The following AGBL4 variants were observed in gnomAD, a reference collection of about 807,000 sequenced individuals.
The protein encoded by AGBL4 is cytosolic carboxypeptidase 6.
In AGBL4, 58 loss-of-function variants were observed where a neutral mutation model predicts 66.4. The ratio of observed to expected loss-of-function variants is 0.87; its 90% CI spans 0.71 to 1.09. The LOEUF (loss-of-function observed/expected upper bound fraction) is 1.09, where lower values mean the gene tolerates loss of function less well. Among genes scored for constraint, AGBL4 ranks in the 50% least tolerant of loss-of-function variants. AGBL4 has a pLI of 0.00. For synonymous variants in AGBL4, 234 were observed against 222.9 expected, an observed-to-expected ratio of 1.05 and a Z score of -0.44; for missense variants, 579 against 631.0, an observed-to-expected ratio of 0.92 and a Z score of 0.88.
At chr1:48,534,384 G>T (rs1428978920) in intron 13 of AGBL4, 91 bp from the exon 14 acceptor site, 3 of 1,442,732 alleles carry the variant, frequency 2.1e-6, no homozygotes, top group South Asian at 1.5e-5. Context: ...TTCCCCACTG[G>T]ACTGTAGCCT....
At chr1:48,816,048 TGTGTGTGTG>T (rs1558014357) in intron 6 of AGBL4, among the ~76,000 whole-genome samples, 69 of 1,444 alleles carry the variant, frequency 0.048, no homozygotes, top group Admixed American at 0.055. Context: ...AACTGTTTTG[TGTGTGTGTG>T]TGTGTGTGTG....
intron 1 of AGBL4, among the ~76,000 whole-genome samples, chr1:49,861,840 G>A (rs905129648): frequency 6.6e-6 from 1 of 152,174 alleles, no homozygotes. Context: ...TGGGCTTGGG[G>A]TGCCCCCTAA....
intron 1 of AGBL4, among the ~76,000 whole-genome samples, chr1:49,990,622 T>A (rs967123454): frequency 2.6e-4 from 40 of 152,328 alleles, no homozygotes; most frequent in Middle Eastern, 6.8e-3. Flanking sequence ...TTTTAGCTAC[T>A]GTATACAATC....
intron 3 of AGBL4, among the ~76,000 whole-genome samples, chr1:49,265,041 T>C (rs188751224): frequency 6.6e-6 from 1 of 152,364 alleles, no homozygotes; most frequent in African/African-American, 2.4e-5. Context: ...TTTTTTGTTA[T>C]ACAACATTTC....
At chr1:49,247,355 T>C (rs1011520880) in intron 3 of AGBL4, among the ~76,000 whole-genome samples, 18 of 152,106 alleles carry the variant, frequency 1.2e-4, no homozygotes, top group Non-Finnish European at 2.5e-4. Context: ...TTTTCCTTTC[T>C]CCTCAGAGAC....
chr1:49,107,738 A>AGAAT (rs1645326465), intron 4 of AGBL4, among the ~76,000 whole-genome samples: 1 of 146,846 alleles, frequency 6.8e-6, no homozygotes, highest in Non-Finnish European at 1.5e-5. Context: ...AGAGAGAGAC[A>AGAAT]ATATTTACAT....
intron 4 of AGBL4, among the ~76,000 whole-genome samples, chr1:49,195,862 G>A (rs1647227873): frequency 1.3e-5 from 2 of 152,042 alleles, no homozygotes; most frequent in African/African-American, 4.8e-5. Context: ...ATGTATCTAG[G>A]GAGAGATCTG....
chr1:49,932,005 T>C (rs896028129), intron 1 of AGBL4, among the ~76,000 whole-genome samples: 1 of 152,120 alleles, frequency 6.6e-6, no homozygotes, highest in Non-Finnish European at 1.5e-5. Context: ...TAGAGGAGCA[T>C]CTCAGATTTT....
At chr1:49,907,886 G>A (rs963677976) in intron 1 of AGBL4, among the ~76,000 whole-genome samples, 1 of 151,784 alleles carries the variant, frequency 6.6e-6, no homozygotes, top group African/African-American at 2.4e-5. Flanking sequence ...AATTGGAGAG[G>A]CTATGTACAT....
At chr1:48,644,135 T>C (rs1332645236) in intron 8 of AGBL4, among the ~76,000 whole-genome samples, 1 of 152,172 alleles carries the variant, frequency 6.6e-6, no homozygotes, top group Non-Finnish European at 1.5e-5. Flanking sequence ...AAGTACTACA[T>C]ATAAAACACT....
At chr1:49,700,384 T>C (rs1395335963) in intron 2 of AGBL4, among the ~76,000 whole-genome samples, 1 of 151,294 alleles carries the variant, frequency 6.6e-6, no homozygotes, top group East Asian at 1.9e-4. Flanking sequence ...TTTGACAAAA[T>C]TAAAACATAG....
At chr1:50,018,135 A>G (rs1158650430) in intron 1 of AGBL4, among the ~76,000 whole-genome samples, 1 of 152,170 alleles carries the variant, frequency 6.6e-6, no homozygotes, top group Admixed American at 6.5e-5. Context: ...AAAAGTTTTC[A>G]ATCCTATATA....
chr1:49,939,668 G>C (rs1328404383), intron 1 of AGBL4, among the ~76,000 whole-genome samples: 1 of 152,132 alleles, frequency 6.6e-6, no homozygotes, highest in Non-Finnish European at 1.5e-5. Context: ...AGCTGAAATT[G>C]GATCCCTTCC....
chr1:49,529,178 A>G (rs1288588334), intron 3 of AGBL4, among the ~76,000 whole-genome samples: 1 of 152,160 alleles, frequency 6.6e-6, no homozygotes, highest in Non-Finnish European at 1.5e-5. Context: ...GAGAATAGGT[A>G]AAAGCCTGAA....
At chr1:49,627,552 A>C (rs530190220) in intron 3 of AGBL4, among the ~76,000 whole-genome samples, 17 of 152,256 alleles carry the variant, frequency 1.1e-4, no homozygotes, top group African/African-American at 4.1e-4. Context: ...TTCTTACCTC[A>C]GGCTATGTTT....
chr1:49,193,663 G>A (rs1647166441), intron 4 of AGBL4, among the ~76,000 whole-genome samples: 1 of 151,784 alleles, frequency 6.6e-6, no homozygotes, highest in Non-Finnish European at 1.5e-5. Context: ...GAGTAGCTGG[G>A]ACTACAGGTG....
chr1:49,575,862 C>A (rs1644425703), intron 3 of AGBL4, among the ~76,000 whole-genome samples: 2 of 152,194 alleles, frequency 1.3e-5, no homozygotes, highest in South Asian at 4.1e-4. Context: ...AGCTTTGTGT[C>A]ATAATCTTAT....
At chr1:49,843,244 G>A (rs527928966) in intron 2 of AGBL4, among the ~76,000 whole-genome samples, 9 of 151,906 alleles carry the variant, frequency 5.9e-5, no homozygotes, top group African/African-American at 7.3e-5. Context: ...CTCCTGCCTC[G>A]GCCTCCTGAG....
chr1:48,549,425 C>A (rs988776019), intron 11 of AGBL4, among the ~76,000 whole-genome samples: 1 of 152,004 alleles, frequency 6.6e-6, no homozygotes, highest in African/African-American at 2.4e-5. Context: ...TCCAGAGGCA[C>A]CCCCTAGGTA....
Sources: gnomAD v4.1 joint callset for allele counts (sites outside exome capture counted in the v4.1 genomes callset) on GRCh38, gnomAD v4.1.1 for gene constraint, MANE v1.5 for transcripts, NCBI Gene and HGNC (gene_info 2026-07-23, HGNC 2026-07-21) for gene names.